Variants in C7orf78 observed in about 807,000 individuals in gnomAD.
The protein encoded by C7orf78 is chromosome 7 open reading frame 78.
the C7orf78 span, among the ~76,000 whole-genome samples, chr7:12,519,515 A>G: frequency 6.6e-6 from 1 of 152,172 alleles, no homozygotes; most frequent in Non-Finnish European, 1.5e-5. Flanking sequence ...TCCCAGTGGC[A>G]ACAACTGCTA....
At chr7:12,503,233 T>TAAATAAATAAATA in the C7orf78 span, among the ~76,000 whole-genome samples, 3 of 135,610 alleles carry the variant, frequency 2.2e-5, no homozygotes, top group African/African-American at 5.4e-5. Flanking sequence ...TAAAGTATAA[T>TAAATAAATAAATA]AATAAACAAA....
the C7orf78 span, among the ~76,000 whole-genome samples, chr7:12,508,033 T>C: frequency 6.6e-6 from 1 of 152,254 alleles, no homozygotes; most frequent in Non-Finnish European, 1.5e-5. Context: ...CATGCTACGT[T>C]CTCCGGCTTC....
At chr7:12,534,596 GT>G in the C7orf78 span, among the ~76,000 whole-genome samples, 1 of 152,176 alleles carries the variant, frequency 6.6e-6, no homozygotes, top group African/African-American at 2.4e-5. Flanking sequence ...CAAGAAAATG[GT>G]TTATATTAAT....
At chr7:12,488,069 G>A in the C7orf78 span, among the ~76,000 whole-genome samples, 1 of 152,016 alleles carries the variant, frequency 6.6e-6, no homozygotes, top group African/African-American at 2.4e-5. Context: ...AGTATCATGT[G>A]ACCATTTAGA....
At chr7:12,539,237 G>A in the C7orf78 span, among the ~76,000 whole-genome samples, 943 of 152,242 alleles carry the variant, frequency 6.2e-3, 10 homozygotes, top group Middle Eastern at 0.01. Context: ...GGCCAAGGTG[G>A]GCGGATCGTG....
At chr7:12,493,532 C>G in the C7orf78 span, among the ~76,000 whole-genome samples, 127,862 of 152,120 alleles carry the variant, frequency 0.84, 54,132 homozygotes, top group African/African-American at 0.95. Context: ...CTAAGGATTA[C>G]CATTTCTTAT....
the C7orf78 span, among the ~76,000 whole-genome samples, chr7:12,513,352 T>A: frequency 6.6e-6 from 1 of 152,134 alleles, no homozygotes. Context: ...TTGTCGTTGC[T>A]GCTGTTGTTG....
At chr7:12,520,665 G>C in the C7orf78 span, among the ~76,000 whole-genome samples, 1 of 152,272 alleles carries the variant, frequency 6.6e-6, no homozygotes, top group African/African-American at 2.4e-5. Context: ...TCCTGGAGAC[G>C]GTTACATTTG....
At chr7:12,489,103 A>G in the C7orf78 span, among the ~76,000 whole-genome samples, 2 of 152,210 alleles carry the variant, frequency 1.3e-5, no homozygotes, top group East Asian at 3.9e-4. Flanking sequence ...AATAAGAAGT[A>G]TTGGGGCATA....
the C7orf78 span, chr7:12,528,909 G>T: frequency 2.5e-6 from 1 of 398,262 alleles, no homozygotes; most frequent in Admixed American, 4.4e-5. Context: ...TAGTACATGG[G>T]TACCAGTTAC....
At chr7:12,526,516 T>A in the C7orf78 span, among the ~76,000 whole-genome samples, 1 of 152,160 alleles carries the variant, frequency 6.6e-6, no homozygotes, top group Non-Finnish European at 1.5e-5. Flanking sequence ...CAATAAGATG[T>A]TAACAGTGTT....
At chr7:12,493,689 T>C in the C7orf78 span, among the ~76,000 whole-genome samples, 3 of 152,346 alleles carry the variant, frequency 2.0e-5, no homozygotes, top group African/African-American at 7.2e-5. Context: ...ATGTATAATC[T>C]TGGGCAAGCT....
the C7orf78 span, chr7:12,483,520 G>A: frequency 6.6e-6 from 1 of 152,172 alleles, no homozygotes; most frequent in Admixed American, 6.5e-5. Flanking sequence ...GATAAACGGT[G>A]TTGATGTTTT....
chr7:12,538,257 T>C, the C7orf78 span: 1 of 152,166 alleles, frequency 6.6e-6, no homozygotes, highest in Non-Finnish European at 1.5e-5. Flanking sequence ...CATTCTAATC[T>C]CACATCCAAT....
chr7:12,529,003 T>C, the C7orf78 span: 50 of 398,548 alleles, frequency 1.3e-4, 1 homozygote, highest in African/African-American at 9.2e-4. Context: ...AAAACTAATT[T>C]TGACGAAAGC....
the C7orf78 span, among the ~76,000 whole-genome samples, chr7:12,504,017 A>G: frequency 1.3e-5 from 2 of 152,168 alleles, no homozygotes; most frequent in Non-Finnish European, 2.9e-5. Context: ...AGAACTTGTA[A>G]TCTTTATTTG....
chr7:12,524,532 A>G, the C7orf78 span, among the ~76,000 whole-genome samples: 1 of 145,332 alleles, frequency 6.9e-6, no homozygotes, highest in Non-Finnish European at 1.5e-5. Context: ...TTAAATATTA[A>G]ATGTTACTGG....
chr7:12,524,369 T>C, the C7orf78 span, among the ~76,000 whole-genome samples: 2 of 152,192 alleles, frequency 1.3e-5, no homozygotes, highest in South Asian at 2.1e-4. Flanking sequence ...CAGGGAGCTA[T>C]AGTCAATAAC....
At chr7:12,530,563 C>T in the C7orf78 span, 3 of 152,232 alleles carry the variant, frequency 2.0e-5, no homozygotes, top group African/African-American at 4.8e-5. Context: ...CACCTTCTCA[C>T]CTTCTCTTCC....
Sources: gnomAD v4.1 joint callset for allele counts (sites outside exome capture counted in the v4.1 genomes callset) on GRCh38, gnomAD v4.1.1 for gene constraint, MANE v1.5 for transcripts, NCBI Gene and HGNC (gene_info 2026-07-23, HGNC 2026-07-21) for gene names.